The following SIRPB1 variants were observed in gnomAD, a reference collection of about 807,000 sequenced individuals.
The protein encoded by SIRPB1 is signal regulatory protein beta 1.
SIRPB1 carries 28 observed loss-of-function variants against 34.1 expected under a neutral mutation model. The observed-to-expected ratio is 0.82, with a 90% CI of 0.61 to 1.12. The LOEUF is 1.12. Ranked by LOEUF, SIRPB1 falls within the 50% of genes most tolerant of loss-of-function variation. SIRPB1 has a pLI of 0.00. For missense variants in SIRPB1, 499 were observed against 507.0 expected (o/e 0.98, Z 0.15); for synonymous variants, 211 against 203.8 (o/e 1.04, Z -0.30).
intron 1 of SIRPB1, among the ~76,000 whole-genome samples, chr20:1,613,723 T>G (rs1384876449): frequency 6.6e-6 from 1 of 152,072 alleles, no homozygotes; most frequent in African/African-American, 2.4e-5. Flanking sequence ...GAGCACAGAA[T>G]CTAAGGGAAT....
chr20:1,615,579 A>G (rs1213728350), intron 1 of SIRPB1, among the ~76,000 whole-genome samples: 1 of 152,226 alleles, frequency 6.6e-6, no homozygotes, highest in Non-Finnish European at 1.5e-5. Flanking sequence ...AATAATCCTC[A>G]ACCAAACACT....
chr20:1,571,009 G>A lies in SIRPB1; in HGVS notation c.880C>T (p.Arg294Trp), dbSNP rs143614046. 1.7e-5 allele frequency: 28 copies of A among 1,614,142 alleles called. No individual in the cohort carries two copies. The highest frequency in any genetic ancestry group is 6.7e-5 in the East Asian group (3 of 44,878). ...LTWLENGNVS[R>W]TETASTLIEN... is the part of the protein sequence containing the mutation. Reference sequence around the variant, plus strand: ...ATGAGGGTCGAAGCTGTTTCTGTCCGGGACACATTTCCATTCTCCAACCAG... The same window carrying A: ...ATGAGGGTCGAAGCTGTTTCTGTCCAGGACACATTTCCATTCTCCAACCAG... Residue 294 changes from arginine to tryptophan, a missense_variant, in exon 4 of 6, where the codon CGG becomes TGG. Physicochemically the swap from Arg to Trp is moderately radical, Grantham distance 101 (BLOSUM62 -3). Transcript: ENST00000381605.
rs545374994 is a variant in SIRPB1, at chr20:1,570,913, C to T, written c.976G>A (p.Val326Met). The change falls in exon 4 of 6, where the codon GTG (valine) becomes ATG (methionine). Residue 326 changes from valine (V) to methionine (M), a missense_variant. Coordinates refer to ENST00000381605, the MANE Select transcript of SIRPB1 (RefSeq NM_006065.5). The part of the protein sequence containing the change: ...LVNTCAHRDD[V>M]VLTCQVEHDG... Reference sequence around the variant, plus strand: ...TGCTCCACCTGACAGGTGAGCACCACATCGTCCCTGTGGGCACAGGTGTTC... The same window carrying T: ...TGCTCCACCTGACAGGTGAGCACCATATCGTCCCTGTGGGCACAGGTGTTC... The T allele has an allele frequency of 3.4e-5, 55 of 1,614,210 alleles. 1 individual carries two copies. Among genetic ancestry groups the T allele is most frequent in the South Asian group, 2.2e-4 (20 of 91,086 alleles).
Position 1,564,883 on chromosome 20 carries a change from G to A in SIRPB1, c.*617C>T, listed in dbSNP as rs45512895. ...ATATGAGTTGTAAAGGGCAGTCATCGAGGGCTCCTCAATGTTGGGCTGTGG... is the reference window on the plus strand; with the variant it reads ...ATATGAGTTGTAAAGGGCAGTCATCAAGGGCTCCTCAATGTTGGGCTGTGG... On this transcript the variant is annotated 3_prime_UTR_variant, in exon 6 of 6. Coordinates refer to ENST00000381605, the MANE Select transcript of SIRPB1 (RefSeq NM_006065.5). 0.12 allele frequency: 46,103 copies of A among 398,406 alleles called. 3,220 individuals are homozygous for A. Among genetic ancestry groups the A allele is most frequent in the Middle Eastern group, 0.14 (219 of 1,588 alleles). 24.7% of individuals were successfully genotyped at this position (398,406 alleles called of 1,614,324 possible).
rs370764725 is a variant in SIRPB1, at chr20:1,619,924, C to A, written c.21G>T (p.Trp7Cys). The stretch of plus-strand genomic sequence containing the variant: ...GCAGGAAAGGACTAGGAAGGTGGGG[C>A]CAGGAGGCTGGCACGGGCATTCTGG... MPVPAS[W>C]PHLPSPFLLM... is the part of the protein sequence containing the mutation. Residue 7 changes from tryptophan to cysteine, a missense_variant, in exon 1 of 6, where the codon TGG becomes TGT. By Grantham distance (215) the Trp-to-Cys change is radical. Coordinates refer to ENST00000381605, the MANE Select transcript of SIRPB1 (RefSeq NM_006065.5). The A allele has an allele frequency of 1.9e-6, 3 of 1,613,844 alleles. No individual in the cohort carries two copies. The highest frequency in any genetic ancestry group is 1.1e-5 in the South Asian group (1 of 91,068).
rs2091398368 is a variant in SIRPB1 at position 1,582,205 on chromosome 20, C to G, written c.77-3511G>C. Among the ~76,000 whole-genome samples the G allele has an allele frequency of 4.1e-5, 2 of 48,874 alleles. 1 individual carries two copies. The highest frequency in any genetic ancestry group is 2.8e-4 in the Admixed American group (2 of 7,258). 32.1% of individuals were successfully genotyped at this position (48,874 alleles called of 152,430 possible). ...GGAGTCTCTAGACCACTCATGATGG[C>G]TATATATTTCCTCAGGGCCTTGATG... is the stretch of plus-strand genomic sequence containing the variant. On this transcript the variant is annotated intron_variant, in intron 1 of 5. Transcript: ENST00000381605.
chr20:1,616,070 A>G (rs903251392), intron 1 of SIRPB1, among the ~76,000 whole-genome samples: 1 of 152,248 alleles, frequency 6.6e-6, no homozygotes, highest in African/African-American at 2.4e-5. Flanking sequence ...AAAAATAAAT[A>G]GAACAAAAAT....
intron 4 of SIRPB1, among the ~76,000 whole-genome samples, chr20:1,570,000 G>A (rs1336672876): frequency 6.6e-6 from 1 of 152,236 alleles, no homozygotes; most frequent in Admixed American, 6.5e-5. Flanking sequence ...TCTCTAATTA[G>A]CACAAATTCC....
rs1285952215 is a variant in SIRPB1, at chr20:1,581,019, G to A, written c.77-2325C>T. On this transcript the variant is annotated intron_variant, in intron 1 of 5. Coordinates refer to ENST00000381605, the MANE Select transcript of SIRPB1 (RefSeq NM_006065.5). ...CAGCTCAGCTCTTATGCAATGCACC[G>A]AAGGCCAGAAGATAGGGGGATGGTA... Among the ~76,000 whole-genome samples, 5 of 49,086 alleles carry A rather than the reference G, an allele frequency of 1.0e-4. 2 individuals are homozygous for A. Among genetic ancestry groups the A allele is most frequent in the South Asian group, 7.2e-4 (1 of 1,384 alleles). The allele number at this position is 49,086 out of a possible 152,430, so 32.2% of individuals were successfully genotyped here. A position where few individuals can be genotyped will look rare whatever the true frequency, so the allele number is the denominator to read the frequency against.
rs187333750 is a variant in SIRPB1 at position 1,577,783 on chromosome 20, A to C, written c.433+555T>G. Among the ~76,000 whole-genome samples the C allele has an allele frequency of 1.1e-3, 157 of 146,454 alleles. 12 individuals carry two copies. The highest frequency in any genetic ancestry group is 4.9e-3 in the South Asian group (23 of 4,670). On this transcript the variant is annotated intron_variant, in intron 2 of 5. Coordinates refer to ENST00000381605, the MANE Select transcript of SIRPB1 (RefSeq NM_006065.5). ...TGAAGATTAAATTAAAAAAAAAAAC[A>C]ACCACGATTTACCCTCTCCATGCCC...
chr20:1,562,432 C>G lies in SIRPB1; in HGVS notation c.*3068G>C, dbSNP rs1049404568. On this transcript the variant is annotated 3_prime_UTR_variant, in exon 6 of 6. Coordinates refer to ENST00000381605, the MANE Select transcript of SIRPB1 (RefSeq NM_006065.5). Reference sequence around the variant, plus strand: ...TCTGGCAACTGAGGATACAGATAATCCTCCCCCACCCCCAACCCCCCACGA... The same window carrying G: ...TCTGGCAACTGAGGATACAGATAATGCTCCCCCACCCCCAACCCCCCACGA... Among the ~76,000 whole-genome samples, 1 of 151,642 alleles carries G rather than the reference C, an allele frequency of 6.6e-6. No homozygotes were observed. Among genetic ancestry groups the G allele is most frequent in the Non-Finnish European group, 1.5e-5 (1 of 67,954 alleles).
chr20:1,616,015 A>G (rs79322948), intron 1 of SIRPB1, among the ~76,000 whole-genome samples: 11 of 152,342 alleles, frequency 7.2e-5, no homozygotes, highest in African/African-American at 2.4e-4. Context: ...AGATTTACTC[A>G]AGGACATGAA....
intron 4 of SIRPB1, 36 bp from the exon 5 acceptor site, chr20:1,566,303 G>T (rs2091134437): frequency 7.2e-7 from 1 of 1,395,576 alleles, no homozygotes; most frequent in Non-Finnish European, 1.0e-6. Flanking sequence ...CATGAGAGGG[G>T]CCACCTGGGA....
chr20:1,616,494 A>T (rs1002915336), intron 1 of SIRPB1, among the ~76,000 whole-genome samples: 3 of 152,218 alleles, frequency 2.0e-5, no homozygotes, highest in Non-Finnish European at 4.4e-5. Flanking sequence ...GCATTGGGAA[A>T]CCTGGATATC....
rs1338330847 is a variant in SIRPB1, at chr20:1,571,115, A to G, written c.774T>C (p.Thr258=). The G allele has an allele frequency of 6.2e-7, 1 of 1,613,864 alleles. No homozygotes were observed. The highest frequency in any genetic ancestry group is 1.3e-5 in the African/African-American group (1 of 75,058). Residue 258 remains threonine, a synonymous_variant, in exon 4 of 6, where the codon ACT becomes ACC. Transcript: ENST00000381605. The part of the protein sequence containing the change: ...AIRVPPTLEV[T]QQPMRAENQA... The stretch of plus-strand genomic sequence containing the variant: ...GGTTCTCTGCCCTCATGGGCTGTTG[A>G]GTAACCTCCAAGGTGGGTGGAACTG...
At position 1,565,404 on chromosome 20, in the gene SIRPB1, G is replaced by A. The variant is rs1036560305; in HGVS notation, c.*96C>T. On this transcript the variant is annotated 3_prime_UTR_variant, in exon 6 of 6. Transcript: ENST00000381605. The stretch of plus-strand genomic sequence containing the variant: ...GGCAGGCAGATGACCTGGGAGAGGA[G>A]GCGTTTGGAGCTGAGTGTGGGGAAG... 5.2e-6 allele frequency: 1 copy of A among 192,398 alleles called. No individual in the cohort carries two copies. The highest frequency in any genetic ancestry group is 1.0e-5 in the Non-Finnish European group (1 of 95,420). The allele number at this position is 192,398 out of a possible 1,614,324, so 11.9% of individuals were successfully genotyped here.
intron 2 of SIRPB1, among the ~76,000 whole-genome samples, chr20:1,573,291 C>G (rs1278076147): frequency 2.5e-5 from 2 of 80,146 alleles, no homozygotes; most frequent in Non-Finnish European, 5.2e-5. Context: ...GCTTTTTCAT[C>G]GTTAATTAAT....
Position 1,578,314 on chromosome 20 carries a change from A to T in SIRPB1, c.433+24T>A, listed in dbSNP as rs748633519. 20 of 1,569,810 alleles carry T rather than the reference A, an allele frequency of 1.3e-5. 3 individuals carry two copies. In the South Asian group the frequency reaches 2.1e-4, roughly 17 times the overall value. On this transcript the variant is annotated intron_variant, in intron 2 of 5. Transcript: ENST00000381605. ...GAGTTATTGTCACACACCAGGGGAC[A>T]AAGGAGGCCCACGCTGTACTCACCG...
Position 1,561,803 on chromosome 20 carries a change from T to A in SIRPB1, c.*3697A>T, listed in dbSNP as rs1156650530. Reference sequence around the variant, plus strand: ...CTGTATTTGTCAGATTTTTCCACTGTAAAGTTATTTTTTCTCCTTTTTTCC... The same window carrying A: ...CTGTATTTGTCAGATTTTTCCACTGAAAAGTTATTTTTTCTCCTTTTTTCC... On this transcript the variant is annotated 3_prime_UTR_variant, in exon 6 of 6. Transcript: ENST00000381605. Among the ~76,000 whole-genome samples, 1 of 152,214 alleles carries A rather than the reference T, an allele frequency of 6.6e-6. No individual in the cohort carries two copies. Among genetic ancestry groups the A allele is most frequent in the African/African-American group, 2.4e-5 (1 of 41,452 alleles).
Sources: gnomAD v4.1 joint callset for allele counts (sites outside exome capture counted in the v4.1 genomes callset) on GRCh38, gnomAD v4.1.1 for gene constraint, MANE v1.5 for transcripts, NCBI Gene and HGNC (gene_info 2026-07-23, HGNC 2026-07-21) for gene names.